TENM3: variants seen among roughly 807,000 people sequenced by gnomAD.
TENM3 encodes teneurin-3.
TENM3 carries 63 observed loss-of-function variants against 255.1 expected under a neutral mutation model. The ratio of observed to expected loss-of-function variants is 0.25; its 90% CI spans 0.20 to 0.30. The LOEUF is 0.30. TENM3 is among the 10% of genes least tolerant of loss of function. The pLI, the probability that TENM3 is intolerant of heterozygous loss-of-function variation, is 1.00. For synonymous variants in TENM3, 1,306 were observed against 1,322.3 expected, an observed-to-expected ratio of 0.99 and a Z score of 0.27; for missense variants, 2,929 against 3,461.1, an observed-to-expected ratio of 0.85 and a Z score of 3.86.
chr4:182,481,505 T>C (rs144332357), intron 3 of TENM3, among the ~76,000 whole-genome samples: 174 of 152,274 alleles, frequency 1.1e-3, no homozygotes, highest in African/African-American at 3.4e-3. Context: ...CTTTAAAATA[T>C]GATTATAGGC....
the TENM3 span, among the ~76,000 whole-genome samples, chr4:181,984,167 C>T: frequency 6.6e-6 from 1 of 152,040 alleles, no homozygotes; most frequent in Non-Finnish European, 1.5e-5. Context: ...CCTCTGATCT[C>T]AGAACAGTCA....
the TENM3 span, among the ~76,000 whole-genome samples, chr4:181,517,031 G>T: frequency 6.6e-6 from 1 of 152,006 alleles, no homozygotes; most frequent in African/African-American, 2.4e-5. Flanking sequence ...TTCAGCCATT[G>T]TAATGCCCCC....
chr4:182,441,340 A>G (rs1772467984), intron 3 of TENM3, among the ~76,000 whole-genome samples: 2 of 152,180 alleles, frequency 1.3e-5, no homozygotes, highest in Non-Finnish European at 2.9e-5. Flanking sequence ...AGACAGACAG[A>G]AAGAGAAAAA....
At chr4:182,483,578 A>AATGAG (rs1475775633) in intron 3 of TENM3, among the ~76,000 whole-genome samples, 3 of 152,218 alleles carry the variant, frequency 2.0e-5, no homozygotes, top group African/African-American at 7.2e-5. Context: ...ATATCTCAAC[A>AATGAG]ATGAGGTATG....
intron 12 of TENM3, among the ~76,000 whole-genome samples, chr4:182,689,443 A>G (rs1256236136): frequency 6.6e-6 from 1 of 152,210 alleles, no homozygotes; most frequent in African/African-American, 2.4e-5. Context: ...CACTTCATGT[A>G]AGTTTTTTTC....
At chr4:181,768,723 A>G in the TENM3 span, among the ~76,000 whole-genome samples, 2 of 152,134 alleles carry the variant, frequency 1.3e-5, no homozygotes, top group East Asian at 3.9e-4. Flanking sequence ...CTACATTCCT[A>G]TCAAAGACAC....
At chr4:182,381,816 C>T (rs1191233769) in intron 3 of TENM3, among the ~76,000 whole-genome samples, 1 of 152,186 alleles carries the variant, frequency 6.6e-6, no homozygotes, top group African/African-American at 2.4e-5. Flanking sequence ...CCGCATCGGC[C>T]TCCCAAAGTG....
At chr4:181,912,938 T>C in the TENM3 span, among the ~76,000 whole-genome samples, 2 of 152,166 alleles carry the variant, frequency 1.3e-5, no homozygotes, top group Admixed American at 1.3e-4. Context: ...GTCAATGAGC[T>C]GGCAGGGCTT....
chr4:181,575,442 A>T, the TENM3 span, among the ~76,000 whole-genome samples: 1 of 152,318 alleles, frequency 6.6e-6, no homozygotes, highest in Non-Finnish European at 1.5e-5. Flanking sequence ...CCATCAAAAA[A>T]TAAAGTGTAA....
chr4:181,510,561 ATT>A, the TENM3 span, among the ~76,000 whole-genome samples: 3 of 151,678 alleles, frequency 2.0e-5, no homozygotes, highest in South Asian at 4.2e-4. Flanking sequence ...ATAACCACAC[ATT>A]TTTTTTAAAA....
intron 1 of TENM3, among the ~76,000 whole-genome samples, chr4:182,275,630 A>G (rs1443298990): frequency 6.6e-6 from 1 of 151,244 alleles, no homozygotes; most frequent in Non-Finnish European, 1.5e-5. Flanking sequence ...AGTACTCTTT[A>G]AAAAAAAAGA....
intron 1 of TENM3, among the ~76,000 whole-genome samples, chr4:182,158,284 TAAA>T: frequency 1.3e-5 from 2 of 152,284 alleles, no homozygotes; most frequent in Middle Eastern, 6.8e-3. Context: ...ATTGGGGTAA[TAAA>T]AAACACACAA....
At chr4:181,591,217 A>G in the TENM3 span, among the ~76,000 whole-genome samples, 1 of 152,240 alleles carries the variant, frequency 6.6e-6, no homozygotes, top group African/African-American at 2.4e-5. Flanking sequence ...TTAAAGACTC[A>G]CCATACCAAG....
the TENM3 span, among the ~76,000 whole-genome samples, chr4:181,520,281 G>A: frequency 0.096 from 14,668 of 152,182 alleles, 834 homozygotes; most frequent in South Asian, 0.26. Flanking sequence ...AAGCCGTGCC[G>A]CCCTGGCAGA....
chr4:182,763,024 T>C (rs1763339003), intron 22 of TENM3, among the ~76,000 whole-genome samples: 1 of 152,198 alleles, frequency 6.6e-6, no homozygotes, highest in Non-Finnish European at 1.5e-5. Context: ...AAAATATTGA[T>C]GTAAAGAAAT....
the TENM3 span, among the ~76,000 whole-genome samples, chr4:181,504,089 C>T: frequency 6.6e-6 from 1 of 152,250 alleles, no homozygotes; most frequent in Non-Finnish European, 1.5e-5. Context: ...TGGAGCCGCA[C>T]TTGAGCAGGG....
chr4:182,160,048 G>A (rs1357695997), intron 1 of TENM3, among the ~76,000 whole-genome samples: 1 of 147,198 alleles, frequency 6.8e-6, no homozygotes, highest in African/African-American at 2.5e-5. Context: ...TGTCGCCCAG[G>A]CTGGAGTGCA....
the TENM3 span, among the ~76,000 whole-genome samples, chr4:182,072,522 TA>T: frequency 1.3e-5 from 2 of 152,212 alleles, no homozygotes; most frequent in African/African-American, 4.8e-5. Flanking sequence ...TGAAACCAAA[TA>T]AATTTCTAAT....
chr4:182,680,437 A>G (rs552667010), intron 9 of TENM3, 88 bp downstream of exon 9: 49 of 1,114,786 alleles, frequency 4.4e-5, no homozygotes, highest in African/African-American at 3.4e-4. Flanking sequence ...CAGGAAAGAA[A>G]GGGGGGGGGA....
Sources: allele counts gnomAD v4.1 joint callset (sites outside exome capture counted in the v4.1 genomes callset), GRCh38; gene constraint gnomAD v4.1.1; transcripts MANE v1.5; gene names NCBI Gene and HGNC (gene_info 2026-07-23, HGNC 2026-07-21).